The following TCN2 variants were observed in gnomAD, a reference collection of about 807,000 sequenced individuals.
TCN2 encodes the protein transcobalamin-2.
Under a neutral mutation model 48.6 loss-of-function variants are expected in TCN2, and 34 were observed. The observed-to-expected ratio is 0.70, with a 90% CI of 0.53 to 0.93. The LOEUF is 0.93. Ranked by LOEUF, TCN2 falls within the 40% of genes least tolerant of loss-of-function variation. The pLI, the probability that TCN2 is intolerant of heterozygous loss-of-function variation, is 0.00. For synonymous variants in TCN2, 283 were observed against 212.5 expected, an observed-to-expected ratio of 1.33 and a Z score of -2.89; for missense variants, 652 against 526.1, an observed-to-expected ratio of 1.24 and a Z score of -2.34.
chr22:30,624,323 C>G (rs1169613970), intron 8 of TCN2, among the ~76,000 whole-genome samples: 1 of 151,924 alleles, frequency 6.6e-6, no homozygotes, highest in African/African-American at 2.4e-5. Context: ...ATCTGCCTGC[C>G]TCAGCCTCCC....
intron 3 of TCN2, among the ~76,000 whole-genome samples, chr22:30,613,360 A>G (rs1466659292): frequency 1.3e-5 from 2 of 151,928 alleles, no homozygotes; most frequent in East Asian, 1.9e-4. Context: ...GCTCACCGCA[A>G]TCTCTGCCTC....
At chr22:30,612,819 G>A in intron 2 of TCN2, 54 bp from the exon 3 acceptor site, 3 of 1,608,248 alleles carry the variant, frequency 1.9e-6, no homozygotes, top group East Asian at 2.2e-5. Flanking sequence ...GGTGCTGTAA[G>A]CAGGCTTACG....
At chr22:30,607,462 G>T (rs1282271822) in intron 1 of TCN2, 67 bp downstream of exon 1, 3 of 1,582,690 alleles carry the variant, frequency 1.9e-6, no homozygotes, top group South Asian at 2.2e-5. Flanking sequence ...CTAGGGCATA[G>T]GATGAGGGAA....
intron 1 of TCN2, among the ~76,000 whole-genome samples, chr22:30,608,532 G>A (rs2087486405): frequency 6.6e-6 from 1 of 152,134 alleles, no homozygotes; most frequent in Admixed American, 6.5e-5. Flanking sequence ...GAGACTGCAT[G>A]TGCATACTAC....
rs2087530875 is a variant in TCN2, at chr22:30,610,988, C to G, written c.182C>G (p.Ser61Cys). ...AGCATCTATGTGGGCCTACGCCTCT[C>G]CAGTCTGCAGGCTGGGACCAAGGAA... The part of the protein sequence containing the change: ...NPSIYVGLRL[S>C]SLQAGTKEDL... Residue 61 changes from serine to cysteine, a missense_variant, in exon 2 of 9, where the codon TCC becomes TGC. Ser to Cys is a moderately radical substitution (Grantham distance 112). Transcript: ENST00000215838. 6.2e-7 allele frequency: 1 copy of G among 1,614,090 alleles called. No individual in the cohort carries two copies. Among genetic ancestry groups the G allele is most frequent in the South Asian group, 1.1e-5 (1 of 91,090 alleles).
intron 7 of TCN2, among the ~76,000 whole-genome samples, chr22:30,620,762 T>A (rs946104162): frequency 6.6e-6 from 1 of 152,198 alleles, no homozygotes; most frequent in African/African-American, 2.4e-5. Context: ...ATGGTTCTCT[T>A]GTTAGTGTGC....
chr22:30,617,508 C>T lies in TCN2; in HGVS notation c.1106+13C>T. 4 of 1,614,036 alleles carry T rather than the reference C, an allele frequency of 2.5e-6. No homozygotes were observed. The highest frequency in any genetic ancestry group is 3.4e-6 in the Non-Finnish European group (4 of 1,180,020). ...TAGGAGGATTCACGTGAGACTCCCACCTCCCAGTCCTCACCCCACCCAACC... is the reference window on the plus strand; with the variant it reads ...TAGGAGGATTCACGTGAGACTCCCATCTCCCAGTCCTCACCCCACCCAACC... On this transcript the variant is annotated intron_variant, in intron 7 of 8. Coordinates refer to ENST00000215838, the MANE Select transcript of TCN2 (RefSeq NM_000355.4).
intron 6 of TCN2, 42 bp from the exon 7 acceptor site, chr22:30,617,288 C>T (rs1017875457): frequency 1.9e-6 from 3 of 1,613,586 alleles, no homozygotes; most frequent in Non-Finnish European, 8.5e-7. Flanking sequence ...TCCAGGCTCT[C>T]TGTCCTCACA....
chr22:30,608,762 C>T (rs1483575379), intron 1 of TCN2, among the ~76,000 whole-genome samples: 8 of 152,192 alleles, frequency 5.3e-5, no homozygotes, highest in Non-Finnish European at 8.8e-5. Flanking sequence ...GGAACCCCAG[C>T]TCTTGGTTCA....
intron 6 of TCN2, among the ~76,000 whole-genome samples, 189 bp downstream of exon 6, chr22:30,615,976 A>G (rs2087607926): frequency 6.6e-6 from 1 of 152,008 alleles, no homozygotes; most frequent in East Asian, 1.9e-4. Flanking sequence ...AAGACAGTAA[A>G]TGGAGATCCC....
At chr22:30,625,159 C>G (rs751640788) in intron 8 of TCN2, among the ~76,000 whole-genome samples, 1 of 152,036 alleles carries the variant, frequency 6.6e-6, no homozygotes, top group African/African-American at 2.4e-5. Context: ...CGGAGGTTGC[C>G]GTGAGCTGAG....
At chr22:30,609,907 G>A (rs2087509975) in intron 1 of TCN2, among the ~76,000 whole-genome samples, 1 of 152,186 alleles carries the variant, frequency 6.6e-6, no homozygotes, top group Non-Finnish European at 1.5e-5. Context: ...CAGAGATGGA[G>A]CTGTTCTAGG....
chr22:30,614,268 C>T, intron 3 of TCN2, 81 bp from the exon 4 acceptor site: 3 of 1,571,242 alleles, frequency 1.9e-6, no homozygotes, highest in Non-Finnish European at 1.7e-6. Context: ...TTGGAAAGTG[C>T]AGGCCAGGGT....
intron 7 of TCN2, among the ~76,000 whole-genome samples, chr22:30,618,910 T>C (rs1263797572): frequency 3.3e-5 from 5 of 151,960 alleles, no homozygotes; most frequent in Admixed American, 1.3e-4. Flanking sequence ...GCTGGGACTA[T>C]GGGCATGCAC....
chr22:30,609,741 C>T (rs1024028595), intron 1 of TCN2, among the ~76,000 whole-genome samples: 4 of 152,196 alleles, frequency 2.6e-5, no homozygotes, highest in African/African-American at 7.2e-5. Context: ...CCCCCAGTCT[C>T]TCTTAACATC....
rs1181625379 is a variant in TCN2 at position 30,623,933 on chromosome 22, T to C, written c.1222+850T>C. On this transcript the variant is annotated intron_variant, in intron 8 of 8. Transcript: ENST00000215838. ...ATATACACACATATATATGTATACA[T>C]ATATACACACACACATATGTATACA... Among the ~76,000 whole-genome samples the C allele has an allele frequency of 2.4e-4, 19 of 79,372 alleles. 1 individual carries two copies. Among genetic ancestry groups the C allele is most frequent in the East Asian group, 1.3e-3 (4 of 3,192 alleles). The allele number at this position is 79,372 out of a possible 152,430, so 52.1% of individuals were successfully genotyped here.
intron 8 of TCN2, among the ~76,000 whole-genome samples, chr22:30,625,327 C>G (rs1456132676): frequency 2.6e-5 from 4 of 152,026 alleles, no homozygotes; most frequent in Non-Finnish European, 4.4e-5. Context: ...GGCCCACTTT[C>G]TGGTGTTACC....
chr22:30,615,587 C>T lies in TCN2; in HGVS notation c.754-14C>T, dbSNP rs2087601081. The T allele has an allele frequency of 6.2e-7, 1 of 1,614,094 alleles. No homozygotes were observed. The highest frequency in any genetic ancestry group is 8.5e-7 in the Non-Finnish European group (1 of 1,179,990). On this transcript the variant is annotated splice_polypyrimidine_tract_variant and intron_variant, in intron 5 of 8. Transcript: ENST00000215838. Reference sequence around the variant, plus strand: ...CGGCTGACTTCCTCTCTCTCTTCCTCACTCTATCACCAGTTCCTCATGACT... The same window carrying T: ...CGGCTGACTTCCTCTCTCTCTTCCTTACTCTATCACCAGTTCCTCATGACT...
At chr22:30,622,056 C>T (rs940943069) in intron 7 of TCN2, among the ~76,000 whole-genome samples, 1 of 152,168 alleles carries the variant, frequency 6.6e-6, no homozygotes, top group Non-Finnish European at 1.5e-5. Context: ...GGTACGATCT[C>T]AGCTCACTGC....
Sources: gnomAD v4.1 joint callset for allele counts (sites outside exome capture counted in the v4.1 genomes callset) on GRCh38, gnomAD v4.1.1 for gene constraint, MANE v1.5 for transcripts, NCBI Gene and HGNC (gene_info 2026-07-23, HGNC 2026-07-21) for gene names.